The following ASCC3 variants were observed in gnomAD, a reference collection of about 807,000 sequenced individuals.
ASCC3 encodes activating signal cointegrator 1 complex subunit 3, also known as ASC-1 complex subunit P200.
Under a neutral mutation model 256.3 loss-of-function variants are expected in ASCC3, and 158 were observed. The ratio of observed to expected loss-of-function variants is 0.62; its 90% CI spans 0.54 to 0.70. The LOEUF is 0.70. Among genes scored for constraint, ASCC3 ranks in the 30% least tolerant of loss-of-function variants. The pLI is 0.00. For synonymous variants in ASCC3, 948 were observed against 883.4 expected (o/e 1.07, Z -1.30); for missense variants, 2,259 against 2,626.0 (o/e 0.86, Z 3.05).
intron 13 of ASCC3, among the ~76,000 whole-genome samples, chr6:100,709,510 T>A (rs539910183): frequency 1.3e-5 from 2 of 152,254 alleles, no homozygotes; most frequent in East Asian, 3.9e-4. Context: ...ATTTCTCCCT[T>A]TAACAAAGAG....
At chr6:100,668,932 A>G (rs1776606289) in intron 14 of ASCC3, among the ~76,000 whole-genome samples, 1 of 151,798 alleles carries the variant, frequency 6.6e-6, no homozygotes, top group Admixed American at 6.6e-5. Context: ...ATTAGGGAGT[A>G]GGCAAGGTTG....
chr6:100,566,468 C>A (rs1252951077), intron 36 of ASCC3, among the ~76,000 whole-genome samples: 1 of 152,180 alleles, frequency 6.6e-6, no homozygotes, highest in Non-Finnish European at 1.5e-5. Flanking sequence ...TCATTCCCCA[C>A]CTCCTCAGTT....
intron 4 of ASCC3, among the ~76,000 whole-genome samples, chr6:100,830,334 C>T (rs1450776716): frequency 6.6e-6 from 1 of 152,010 alleles, no homozygotes; most frequent in Admixed American, 6.5e-5. Context: ...TTCAAGTAAG[C>T]TCATTTGTTG....
At chr6:100,797,750 C>T (rs1460490657) in intron 8 of ASCC3, among the ~76,000 whole-genome samples, 1 of 151,978 alleles carries the variant, frequency 6.6e-6, no homozygotes, top group Non-Finnish European at 1.5e-5. Flanking sequence ...TCTATGAGTA[C>T]TTCTGATATA....
chr6:100,856,958 G>A (rs1772977406), intron 3 of ASCC3: 1 of 152,158 alleles, frequency 6.6e-6, no homozygotes, highest in East Asian at 1.9e-4. Flanking sequence ...TATGTCCTAA[G>A]ATTTAAAATT....
intron 34 of ASCC3, among the ~76,000 whole-genome samples, chr6:100,600,974 T>G (rs770807320): frequency 1.3e-5 from 2 of 152,144 alleles, no homozygotes; most frequent in Non-Finnish European, 2.9e-5. Flanking sequence ...TGGCCTACTT[T>G]GTAGTCAAGA....
intron 37 of ASCC3, among the ~76,000 whole-genome samples, chr6:100,532,098 A>C (rs1358006331): frequency 6.6e-6 from 1 of 151,502 alleles, no homozygotes; most frequent in Non-Finnish European, 1.5e-5. Flanking sequence ...CACGAAATTC[A>C]ATCTTTATAA....
chr6:100,540,163 C>T lies in ASCC3; in HGVS notation c.5775G>A (p.Gln1925=). The change falls in exon 37 of 42, where the codon CAG becomes CAA. Residue 1925 remains glutamine, a splice_region_variant and synonymous_variant. Transcript: ENST00000369162. ...TAGGTATTAGAAATGACTTTCATAC[C>T]TGACATACTCTGAGAGCTTGGTCCA... ...TVLDQALRVC[Q]AMLDVAANQG... is the part of the protein sequence containing the mutation. The T allele has an allele frequency of 6.2e-7, 1 of 1,611,076 alleles. No homozygotes were observed. Among genetic ancestry groups the T allele is most frequent in the Non-Finnish European group, 8.5e-7 (1 of 1,177,366 alleles).
intron 8 of ASCC3, among the ~76,000 whole-genome samples, chr6:100,774,148 T>G (rs559754766): frequency 6.6e-6 from 1 of 152,304 alleles, no homozygotes; most frequent in South Asian, 2.1e-4. Flanking sequence ...TAAAACTGAC[T>G]AGTTTCTGGG....
intron 1 of ASCC3, among the ~76,000 whole-genome samples, chr6:100,869,315 A>G (rs1401225070): frequency 2.6e-5 from 4 of 152,234 alleles, no homozygotes; most frequent in Admixed American, 1.3e-4. Flanking sequence ...AATGTCTCAG[A>G]CTATTCTCTG....
chr6:100,662,771 G>A (rs187775613), intron 14 of ASCC3, among the ~76,000 whole-genome samples: 1 of 152,100 alleles, frequency 6.6e-6, no homozygotes, highest in East Asian at 1.9e-4. Flanking sequence ...GAGGTGAAAA[G>A]CAAGTGTCTC....
chr6:100,694,254 G>C (rs1403402919), intron 13 of ASCC3, among the ~76,000 whole-genome samples: 1 of 151,552 alleles, frequency 6.6e-6, no homozygotes, highest in Non-Finnish European at 1.5e-5. Context: ...GTCACTTGAG[G>C]TCAGGAGTTT....
At chr6:100,824,019 TA>T (rs1222500723) in intron 4 of ASCC3, among the ~76,000 whole-genome samples, 2 of 152,072 alleles carry the variant, frequency 1.3e-5, no homozygotes, top group African/African-American at 4.8e-5. Flanking sequence ...ATAAATCCTA[TA>T]AAAATCGGCT....
chr6:100,834,555 A>C (rs1771784511), intron 4 of ASCC3, among the ~76,000 whole-genome samples: 1 of 152,218 alleles, frequency 6.6e-6, no homozygotes, highest in African/African-American at 2.4e-5. Context: ...GCAACAAAAC[A>C]AAAGCTGCTT....
At chr6:100,809,104 T>C (rs72947044) in intron 4 of ASCC3, among the ~76,000 whole-genome samples, 6,008 of 152,010 alleles carry the variant, frequency 0.04, 144 homozygotes, top group African/African-American at 0.057. Flanking sequence ...TGTGAAGGCC[T>C]AGGATGTTAA....
chr6:100,731,010 A>G (rs1779877715), intron 10 of ASCC3, among the ~76,000 whole-genome samples: 1 of 152,176 alleles, frequency 6.6e-6, no homozygotes, highest in African/African-American at 2.4e-5. Flanking sequence ...AGTATAATAT[A>G]ATAAAGCTAA....
chr6:100,640,653 G>A (rs974105964), intron 24 of ASCC3, among the ~76,000 whole-genome samples: 10 of 152,032 alleles, frequency 6.6e-5, no homozygotes, highest in Non-Finnish European at 1.2e-4. Context: ...ATTACATGTA[G>A]CACACTTGAT....
chr6:100,542,575 G>A (rs1031333597), intron 36 of ASCC3, among the ~76,000 whole-genome samples: 3 of 151,938 alleles, frequency 2.0e-5, no homozygotes, highest in Non-Finnish European at 4.4e-5. Context: ...CCAGCTACTC[G>A]GGAGACTGAA....
At chr6:100,816,171 T>C (rs949127396) in intron 4 of ASCC3, among the ~76,000 whole-genome samples, 1 of 152,222 alleles carries the variant, frequency 6.6e-6, no homozygotes, top group Non-Finnish European at 1.5e-5. Flanking sequence ...TCAACATCAC[T>C]GATCATTAGA....
Sources: gnomAD v4.1 joint callset for allele counts (sites outside exome capture counted in the v4.1 genomes callset) on GRCh38, gnomAD v4.1.1 for gene constraint, MANE v1.5 for transcripts, NCBI Gene and HGNC (gene_info 2026-07-23, HGNC 2026-07-21) for gene names.